The following GLIS3 variants were observed in gnomAD, a reference collection of about 807,000 sequenced individuals.
GLIS3 encodes the protein GLIS family zinc finger 3.
In GLIS3, 53 loss-of-function variants were observed where a neutral mutation model predicts 78.6. That is an observed-to-expected ratio of 0.67 (90% CI 0.54 to 0.85). GLIS3 has a LOEUF of 0.85. Ranked by LOEUF, GLIS3 falls within the 40% of genes least tolerant of loss-of-function variation. GLIS3 has a pLI of 0.00. For synonymous variants in GLIS3, 684 were observed against 509.9 expected, an observed-to-expected ratio of 1.34 and a Z score of -4.60; for missense variants, 1,703 against 1,231.1, an observed-to-expected ratio of 1.38 and a Z score of -5.74.
intron 4 of GLIS3, among the ~76,000 whole-genome samples, chr9:4,052,738 G>C (rs1428552722): frequency 1.3e-5 from 2 of 152,116 alleles, no homozygotes; most frequent in Non-Finnish European, 2.9e-5. Flanking sequence ...GGACATTTGA[G>C]TTGTTTCCAT....
At position 3,932,461 on chromosome 9, in the gene GLIS3, C is replaced by T; in HGVS notation, c.1882G>A (p.Ala628Thr). The stretch of plus-strand genomic sequence containing the variant: ...TTGGTACATCCTGGAATTTGACAAG[C>T]ATAAGGTTTCTAAATGAGAAAGAAA... Reference protein sequence around the residue: ...QRTHLDTKPYACQIPGCTKRY... With the variant: ...QRTHLDTKPYTCQIPGCTKRY... The change falls in exon 6 of 11, where the codon GCT becomes ACT. Residue 628 changes from alanine (A) to threonine (T), a missense_variant. Ala to Thr is a moderately conservative substitution (Grantham distance 58, BLOSUM62 0). Coordinates refer to ENST00000381971, the MANE Select transcript of GLIS3 (RefSeq NM_001042413.2). The T allele has an allele frequency of 6.2e-7, 1 of 1,611,328 alleles. No homozygotes were observed.
At chr9:3,956,688 T>C (rs553881471) in intron 4 of GLIS3, among the ~76,000 whole-genome samples, 20 of 152,328 alleles carry the variant, frequency 1.3e-4, no homozygotes, top group Non-Finnish European at 2.6e-4. Context: ...GTTGTATTTT[T>C]TTCCTCCTTT....
chr9:3,850,707 G>A (rs1819373550), intron 9 of GLIS3, among the ~76,000 whole-genome samples: 1 of 152,186 alleles, frequency 6.6e-6, no homozygotes, highest in Non-Finnish European at 1.5e-5. Flanking sequence ...CCCTTCGTGA[G>A]CTGGCCTTGT....
the GLIS3 span, among the ~76,000 whole-genome samples, chr9:4,467,735 A>C: frequency 1.3e-5 from 2 of 152,326 alleles, no homozygotes; most frequent in South Asian, 4.1e-4. Flanking sequence ...CTTCACCCCC[A>C]AAGGAAGACA....
chr9:4,007,905 G>A (rs1313245367), intron 4 of GLIS3, among the ~76,000 whole-genome samples: 2 of 149,610 alleles, frequency 1.3e-5, no homozygotes, highest in Admixed American at 1.3e-4. Context: ...GTTGGGGGGG[G>A]GGGGTTACTC....
At chr9:4,091,277 G>A (rs1193654977) in intron 4 of GLIS3, among the ~76,000 whole-genome samples, 1 of 151,990 alleles carries the variant, frequency 6.6e-6, no homozygotes, top group African/African-American at 2.4e-5. Flanking sequence ...TGAGGTGGGA[G>A]GATCTCTTGA....
chr9:3,888,661 T>C (rs922903583), intron 7 of GLIS3, among the ~76,000 whole-genome samples: 2 of 152,236 alleles, frequency 1.3e-5, no homozygotes, highest in African/African-American at 4.8e-5. Flanking sequence ...GGTTTTGTTA[T>C]GACTCCAGAG....
chr9:4,099,239 C>A (rs1170018972), intron 4 of GLIS3, among the ~76,000 whole-genome samples: 1 of 152,156 alleles, frequency 6.6e-6, no homozygotes, highest in Non-Finnish European at 1.5e-5. Context: ...CTTAAAATAA[C>A]AGAAATGTAT....
rs148341709 is a variant in GLIS3, at chr9:3,875,378, C to T, written c.2297+4049G>A. 5.2e-3 allele frequency among the ~76,000 whole-genome samples: 789 copies of T among 152,220 alleles called. 10 individuals are homozygous for T. The highest frequency in any genetic ancestry group is 0.016 in the African/African-American group (646 of 41,526). On this transcript the variant is annotated intron_variant, in intron 8 of 10. Coordinates refer to ENST00000381971, the MANE Select transcript of GLIS3 (RefSeq NM_001042413.2). The stretch of plus-strand genomic sequence containing the variant: ...TGATGGTAAGGATCAAAGAACTTGA[C>T]GCTAACTGGGTAGATGTGGTGGACC...
chr9:4,116,625 A>T (rs1366796397), intron 4 of GLIS3, among the ~76,000 whole-genome samples: 1 of 152,222 alleles, frequency 6.6e-6, no homozygotes, highest in Non-Finnish European at 1.5e-5. Flanking sequence ...AACCTTGGCC[A>T]ATCTATAATC....
At chr9:4,468,639 T>C in the GLIS3 span, among the ~76,000 whole-genome samples, 4 of 152,180 alleles carry the variant, frequency 2.6e-5, no homozygotes, top group African/African-American at 9.7e-5. Flanking sequence ...AAGGAAGCAC[T>C]AAACGTGGAA....
intron 8 of GLIS3, among the ~76,000 whole-genome samples, chr9:3,858,198 T>A (rs1049791459): frequency 5.3e-5 from 8 of 152,220 alleles, no homozygotes; most frequent in Admixed American, 5.2e-4. Flanking sequence ...TTCCAGTCCC[T>A]TCTTCTGGAA....
At chr9:4,080,919 C>T (rs928748978) in intron 4 of GLIS3, among the ~76,000 whole-genome samples, 1 of 152,160 alleles carries the variant, frequency 6.6e-6, no homozygotes, top group African/African-American at 2.4e-5. Context: ...CTCAAGGAAA[C>T]GGTGTTTGAG....
chr9:4,266,752 T>G (rs1826049678), intron 2 of GLIS3, among the ~76,000 whole-genome samples: 1 of 152,162 alleles, frequency 6.6e-6, no homozygotes, highest in Non-Finnish European at 1.5e-5. Context: ...CTGATGCAAT[T>G]CAAAGATTAG....
At chr9:4,415,219 C>G in the GLIS3 span, among the ~76,000 whole-genome samples, 1 of 152,104 alleles carries the variant, frequency 6.6e-6, no homozygotes, top group Non-Finnish European at 1.5e-5. Context: ...CCATTGACTC[C>G]CTCAGACAAA....
At chr9:4,467,664 A>AC in the GLIS3 span, among the ~76,000 whole-genome samples, 11 of 152,180 alleles carry the variant, frequency 7.2e-5, no homozygotes, top group Non-Finnish European at 1.6e-4. Flanking sequence ...GGTAGATAAA[A>AC]CCACAAAGAT....
intron 2 of GLIS3, among the ~76,000 whole-genome samples, chr9:4,153,567 A>T (rs537378510): frequency 6.6e-6 from 1 of 152,156 alleles, no homozygotes; most frequent in East Asian, 1.9e-4. Context: ...CTGTCTCAAA[A>T]TATATATATA....
the GLIS3 span, among the ~76,000 whole-genome samples, chr9:4,373,425 T>A: frequency 0.013 from 1,916 of 152,276 alleles, 15 homozygotes; most frequent in Middle Eastern, 0.024. Flanking sequence ...TTAAATCCTT[T>A]CCACATGGTT....
At chr9:4,196,751 AG>A (rs1311748661) in intron 2 of GLIS3, among the ~76,000 whole-genome samples, 1 of 152,228 alleles carries the variant, frequency 6.6e-6, no homozygotes, top group Non-Finnish European at 1.5e-5. Flanking sequence ...GAGGGTCCGC[AG>A]CTTCATTCTT....
Sources: gnomAD v4.1 joint callset for allele counts (sites outside exome capture counted in the v4.1 genomes callset) on GRCh38, gnomAD v4.1.1 for gene constraint, MANE v1.5 for transcripts, NCBI Gene and HGNC (gene_info 2026-07-23, HGNC 2026-07-21) for gene names.